TAMM41: variants seen among roughly 807,000 people sequenced by gnomAD.
The protein encoded by TAMM41 is TAM41 mitochondrial translocator assembly and maintenance homolog.
Under a neutral mutation model 44.1 loss-of-function variants are expected in TAMM41, and 36 were observed. That is an observed-to-expected ratio of 0.82 (90% CI 0.63 to 1.08). The LOEUF (loss-of-function observed/expected upper bound fraction) is 1.08, where lower values mean the gene tolerates loss of function less well. TAMM41 is among the 50% of genes least tolerant of loss of function. The pLI, the probability that TAMM41 is intolerant of heterozygous loss-of-function variation, is 0.00. For synonymous variants in TAMM41, 164 were observed against 153.1 expected (o/e 1.07, Z -0.53); for missense variants, 417 against 404.3 (o/e 1.03, Z -0.27).
the TAMM41 span, among the ~76,000 whole-genome samples, chr3:11,743,768 A>G: frequency 6.6e-6 from 1 of 152,132 alleles, no homozygotes; most frequent in Non-Finnish European, 1.5e-5. Flanking sequence ...CTCCCACTAT[A>G]CAGCAGCGCT....
the TAMM41 span, among the ~76,000 whole-genome samples, chr3:11,748,025 C>A: frequency 6.6e-6 from 1 of 151,348 alleles, no homozygotes; most frequent in Admixed American, 6.6e-5. Context: ...CAGGCGCACA[C>A]CACTACACCT....
rs537056407 is a variant in TAMM41, at chr3:11,801,793, T to C, written c.937+6040A>G. On this transcript the variant is annotated intron_variant, in intron 7 of 7. Transcript: ENST00000455809. Reference sequence around the variant, plus strand: ...CAACCTAATGCCATACCTCAAGGCATTGAAAAATATAACGAAAACTATAAC... The same window carrying C: ...CAACCTAATGCCATACCTCAAGGCACTGAAAAATATAACGAAAACTATAAC... Among the ~76,000 whole-genome samples the C allele has an allele frequency of 7.2e-5, 11 of 152,054 alleles. No homozygotes were observed. In the South Asian group the frequency reaches 1.2e-3, roughly 17 times the overall value.
chr3:11,765,874 C>T, the TAMM41 span, among the ~76,000 whole-genome samples: 1 of 151,970 alleles, frequency 6.6e-6, no homozygotes, highest in Admixed American at 6.6e-5. Flanking sequence ...GCTAATTTTT[C>T]TATTTTTAGT....
intron 4 of TAMM41, among the ~76,000 whole-genome samples, chr3:11,822,234 G>C (rs955655128): frequency 6.6e-6 from 1 of 152,164 alleles, no homozygotes; most frequent in African/African-American, 2.4e-5. Flanking sequence ...ATGTGGTAGT[G>C]TTTAAGGACT....
the TAMM41 span, among the ~76,000 whole-genome samples, chr3:11,725,138 TCTC>T: frequency 8.6e-5 from 11 of 127,934 alleles, no homozygotes; most frequent in Non-Finnish European, 9.7e-5. Context: ...TCTTCTCCTC[TCTC>T]CTCTTCTCCT....
At chr3:11,734,282 G>T in the TAMM41 span, among the ~76,000 whole-genome samples, 1 of 152,174 alleles carries the variant, frequency 6.6e-6, no homozygotes, top group East Asian at 1.9e-4. Context: ...GGAAGCTGGG[G>T]GAGGAGTAGA....
At chr3:11,801,098 G>GAAAA (rs34203222) in intron 7 of TAMM41, among the ~76,000 whole-genome samples, 1 of 123,208 alleles carries the variant, frequency 8.1e-6, no homozygotes, top group Non-Finnish European at 1.8e-5. Flanking sequence ...TCTCAAGAAA[G>GAAAA]AAAAAAAAAA....
chr3:11,779,140 G>A, the TAMM41 span, among the ~76,000 whole-genome samples: 21 of 152,150 alleles, frequency 1.4e-4, no homozygotes, highest in East Asian at 3.3e-3. Flanking sequence ...CCTGGCACCC[G>A]CCTTTTCCAG....
the TAMM41 span, among the ~76,000 whole-genome samples, chr3:11,732,227 G>A: frequency 7.6e-4 from 115 of 151,452 alleles, 2 homozygotes; most frequent in African/African-American, 2.6e-3. Context: ...CTATTTCTTC[G>A]TTCATCCTTT....
the TAMM41 span, among the ~76,000 whole-genome samples, chr3:11,778,917 C>T: frequency 1.3e-5 from 2 of 152,092 alleles, no homozygotes; most frequent in African/African-American, 4.8e-5. Flanking sequence ...TTAGGTTAGC[C>T]TTTCACTTTT....
intron 7 of TAMM41, among the ~76,000 whole-genome samples, chr3:11,799,989 G>A (rs894112917): frequency 6.6e-6 from 1 of 152,150 alleles, no homozygotes; most frequent in East Asian, 1.9e-4. Flanking sequence ...TTTATATCCT[G>A]CTAGAATAAG....
At chr3:11,729,246 T>A in the TAMM41 span, among the ~76,000 whole-genome samples, 1 of 152,158 alleles carries the variant, frequency 6.6e-6, no homozygotes, top group Non-Finnish European at 1.5e-5. Context: ...CAACATGCAA[T>A]ATATTCTTGC....
At chr3:11,810,815 A>G (rs1231878513) in intron 5 of TAMM41, 1 of 152,142 alleles carries the variant, frequency 6.6e-6, no homozygotes, top group Non-Finnish European at 1.5e-5. Context: ...TGTAATCCCA[A>G]CAGTTTGGGA....
chr3:11,811,988 C>T (rs1235425260), intron 5 of TAMM41, among the ~76,000 whole-genome samples: 10 of 152,120 alleles, frequency 6.6e-5, no homozygotes, highest in South Asian at 6.2e-4. Flanking sequence ...AGTGCAGTGG[C>T]GCGATCTCAG....
intron 7 of TAMM41, among the ~76,000 whole-genome samples, chr3:11,797,128 C>A (rs2077624408): frequency 6.6e-6 from 1 of 152,122 alleles, no homozygotes; most frequent in Non-Finnish European, 1.5e-5. Flanking sequence ...ACATTCTTCA[C>A]AGAACTAGAA....
intron 7 of TAMM41, among the ~76,000 whole-genome samples, chr3:11,805,476 TGCCCAGACTGGTCTTGAACTCTTGA>T (rs1477523191): frequency 2.6e-5 from 4 of 152,064 alleles, no homozygotes; most frequent in Non-Finnish European, 4.4e-5. Context: ...CTTGCTGTGT[TGCCCAGACTGGTCTTGAACTCTTGA>T]GCCCAAGCAA....
intron 3 of TAMM41, among the ~76,000 whole-genome samples, chr3:11,837,822 C>T (rs1041277196): frequency 3.3e-5 from 5 of 152,178 alleles, no homozygotes; most frequent in African/African-American, 1.2e-4. Flanking sequence ...CTCTGCCACC[C>T]TTCCCCCAAA....
At chr3:11,735,797 G>A in the TAMM41 span, among the ~76,000 whole-genome samples, 219 of 152,262 alleles carry the variant, frequency 1.4e-3, no homozygotes, top group Middle Eastern at 0.027. Context: ...AGGGAGCAAA[G>A]CACGTGTATA....
the TAMM41 span, among the ~76,000 whole-genome samples, chr3:11,729,793 CAAGGAAGG>C: frequency 4.7e-5 from 7 of 150,406 alleles, no homozygotes; most frequent in South Asian, 1.5e-3. Flanking sequence ...CTACTGACTG[CAAGGAAGG>C]AAGGAAGGAA....
Sources: gnomAD v4.1 joint callset for allele counts (sites outside exome capture counted in the v4.1 genomes callset) on GRCh38, gnomAD v4.1.1 for gene constraint, MANE v1.5 for transcripts, NCBI Gene and HGNC (gene_info 2026-07-23, HGNC 2026-07-21) for gene names.